The following DNM3 variants were observed in gnomAD, a reference collection of about 807,000 sequenced individuals.
The protein encoded by DNM3 is dynamin 3.
DNM3 carries 47 observed loss-of-function variants against 101.6 expected under a neutral mutation model. The ratio of observed to expected loss-of-function variants is 0.46; its 90% confidence interval spans 0.37 to 0.59. DNM3 has a LOEUF of 0.59. Ranked by LOEUF, DNM3 falls within the 20% of genes least tolerant of loss-of-function variation. DNM3 has a pLI of 0.00. For synonymous variants in DNM3, 385 were observed against 387.9 expected (o/e 0.99, Z 0.09); for missense variants, 849 against 1,085.7 (o/e 0.78, Z 3.06).
chr1:172,314,607 G>C (rs1297422120), intron 16 of DNM3, among the ~76,000 whole-genome samples: 1 of 152,348 alleles, frequency 6.6e-6, no homozygotes, highest in South Asian at 2.1e-4. Context: ...GGCTCAGAGG[G>C]TCCTACGCCC....
At chr1:172,296,565 C>T (rs1365696478) in intron 15 of DNM3, among the ~76,000 whole-genome samples, 1 of 152,216 alleles carries the variant, frequency 6.6e-6, no homozygotes, top group Non-Finnish European at 1.5e-5. Flanking sequence ...TCTGACTATA[C>T]AGGGATGTGG....
At chr1:172,350,498 G>T (rs2067154858) in intron 17 of DNM3, among the ~76,000 whole-genome samples, 1 of 152,090 alleles carries the variant, frequency 6.6e-6, no homozygotes, top group South Asian at 2.1e-4. Context: ...AACTGTCGTG[G>T]TATCACTACA....
At position 172,411,781 on chromosome 1, in the gene DNM3, C is replaced by G; in HGVS notation, c.*3940C>G. The G allele has an allele frequency of 1.0e-6, 1 of 985,532 alleles. No homozygotes were observed. Among genetic ancestry groups the G allele is most frequent in the Non-Finnish European group, 1.2e-6 (1 of 829,818 alleles). 61.0% of individuals were successfully genotyped at this position (985,532 alleles called of 1,614,324 possible). A position where few individuals can be genotyped will look rare whatever the true frequency, so the allele number is the denominator to read the frequency against. On this transcript the variant is annotated 3_prime_UTR_variant, in exon 21 of 21. Coordinates refer to ENST00000627582, the MANE Select transcript of DNM3 (RefSeq NM_015569.5). Reference sequence around the variant, plus strand: ...TCATGAAAGAAGATAGTGTATGAGACTTAAGCCATGAGTTTTGTATCATTT... The same window carrying G: ...TCATGAAAGAAGATAGTGTATGAGAGTTAAGCCATGAGTTTTGTATCATTT...
chr1:171,898,902 G>GTT (rs1269558675), intron 1 of DNM3, among the ~76,000 whole-genome samples: 1 of 151,950 alleles, frequency 6.6e-6, no homozygotes, highest in Non-Finnish European at 1.5e-5. Flanking sequence ...CATTTTAACT[G>GTT]TTGTTAGTTC....
intron 17 of DNM3, among the ~76,000 whole-genome samples, chr1:172,341,557 A>G (rs1372769416): frequency 1.3e-5 from 2 of 152,214 alleles, no homozygotes; most frequent in African/African-American, 4.8e-5. Context: ...AATGGAACAG[A>G]ATAGAGAGCC....
At chr1:171,841,887 A>T in intron 1 of DNM3, 70 bp downstream of exon 1, 1 of 1,354,522 alleles carries the variant, frequency 7.4e-7, no homozygotes, top group Non-Finnish European at 9.7e-7. Flanking sequence ...TGGAACGTGG[A>T]CGGGCAGCGG....
At chr1:172,001,392 C>G (rs1337487268) in intron 4 of DNM3, among the ~76,000 whole-genome samples, 3 of 152,060 alleles carry the variant, frequency 2.0e-5, no homozygotes, top group Admixed American at 1.3e-4. Context: ...ATTCACATTT[C>G]CTGTATGGAA....
At chr1:172,043,705 C>T (rs925852484) in intron 8 of DNM3, among the ~76,000 whole-genome samples, 9 of 152,032 alleles carry the variant, frequency 5.9e-5, no homozygotes, top group African/African-American at 2.2e-4. Context: ...ATTCGTCATT[C>T]TAGGGCATAA....
intron 2 of DNM3, among the ~76,000 whole-genome samples, chr1:171,923,545 C>T (rs1042397771): frequency 2.0e-5 from 3 of 150,578 alleles, no homozygotes; most frequent in African/African-American, 7.3e-5. Flanking sequence ...TTTCATTTCT[C>T]GTTATTTTTG....
chr1:172,163,426 T>G (rs766903955), intron 14 of DNM3, among the ~76,000 whole-genome samples: 10 of 151,612 alleles, frequency 6.6e-5, no homozygotes, highest in East Asian at 1.9e-4. Flanking sequence ...TTTTGGTAGA[T>G]ACGAGGTTTC....
At position 172,319,889 on chromosome 1, in the gene DNM3, C is replaced by G. The variant is rs544097618; in HGVS notation, c.1882-3440C>G. Among the ~76,000 whole-genome samples, 414 of 152,112 alleles carry G rather than the reference C, an allele frequency of 2.7e-3. 1 individual carries two copies. Among genetic ancestry groups the G allele is most frequent in the African/African-American group, 9.4e-3 (388 of 41,460 alleles). On this transcript the variant is annotated intron_variant, in intron 16 of 20. Coordinates refer to ENST00000627582, the MANE Select transcript of DNM3 (RefSeq NM_015569.5). ...CAGCCATCCCATTACTGGGTATATA[C>G]CCAAAGGAGTATAAATCATGCTGCT...
intron 1 of DNM3, 138 bp downstream of exon 1, chr1:171,841,955 G>T: frequency 1.8e-6 from 2 of 1,101,038 alleles, no homozygotes; most frequent in Non-Finnish European, 2.5e-6. Context: ...AGTGGAATGG[G>T]GGGCAGAGTG....
In DNM3 at chr1:172,375,826, T is replaced by C. The variant is rs115007423; in HGVS notation, c.1894-3192T>C. Among the ~76,000 whole-genome samples, 428 of 126,902 alleles carry C rather than the reference T, an allele frequency of 3.4e-3. 2 individuals carry two copies. Among genetic ancestry groups the C allele is most frequent in the African/African-American group, 0.012 (411 of 33,166 alleles). 83.3% of individuals were successfully genotyped at this position (126,902 alleles called of 152,430 possible). A position where few individuals can be genotyped will look rare whatever the true frequency, so the allele number is the denominator to read the frequency against. Reference sequence around the variant, plus strand: ...GAATTTGAGATAAGCCTGGGAAACATAACAAAACCCCATCTCTAAAAAAAA... The same window carrying C: ...GAATTTGAGATAAGCCTGGGAAACACAACAAAACCCCATCTCTAAAAAAAA... On this transcript the variant is annotated intron_variant, in intron 17 of 20. Transcript: ENST00000627582.
chr1:171,883,689 C>G (rs1380593413), intron 1 of DNM3, among the ~76,000 whole-genome samples: 2 of 152,102 alleles, frequency 1.3e-5, no homozygotes, highest in African/African-American at 4.8e-5. Flanking sequence ...TCAGGCTGGT[C>G]TCGAACTCCT....
intron 4 of DNM3, among the ~76,000 whole-genome samples, chr1:172,019,178 A>ATCCT (rs1288645436): frequency 1.8e-5 from 2 of 112,864 alleles, no homozygotes; most frequent in African/African-American, 3.4e-5. Flanking sequence ...TTTCTTCTTT[A>ATCCT]TCCTTCCTTC....
intron 14 of DNM3, among the ~76,000 whole-genome samples, chr1:172,161,859 A>G (rs1454537566): frequency 3.9e-5 from 6 of 152,132 alleles, no homozygotes; most frequent in East Asian, 1.9e-4. Context: ...ATTGACTGCT[A>G]TTGAACAAAG....
intron 14 of DNM3, among the ~76,000 whole-genome samples, chr1:172,160,717 T>C (rs1225986276): frequency 6.6e-6 from 1 of 152,092 alleles, no homozygotes; most frequent in African/African-American, 2.4e-5. Context: ...TAATGAGAGA[T>C]GTATAGTATA....
intron 2 of DNM3, among the ~76,000 whole-genome samples, chr1:171,965,160 G>T (rs2043484232): frequency 8.3e-6 from 1 of 120,392 alleles, no homozygotes; most frequent in African/African-American, 3.1e-5. Flanking sequence ...GCAAATTAAG[G>T]GTTCACATGA....
Position 172,409,621 on chromosome 1 carries a change from G to A in DNM3, c.*1780G>A, listed in dbSNP as rs530482330. On this transcript the variant is annotated 3_prime_UTR_variant, in exon 21 of 21. Transcript: ENST00000627582. ...AAAAAAAGTTAACTCTTTGTGAATG[G>A]AACCAATGTGCAAGATACATACTGC... is the stretch of plus-strand genomic sequence containing the variant. 1.0e-5 allele frequency: 10 copies of A among 985,654 alleles called. No homozygotes were observed. The South Asian group carries it at 4.2e-4, about 42-fold the overall frequency. 61.1% of individuals were successfully genotyped at this position (985,654 alleles called of 1,614,324 possible).
Sources: gnomAD v4.1 joint callset for allele counts (sites outside exome capture counted in the v4.1 genomes callset) on GRCh38, gnomAD v4.1.1 for gene constraint, MANE v1.5 for transcripts, NCBI Gene and HGNC (gene_info 2026-07-23, HGNC 2026-07-21) for gene names.